Variants in GPKOW observed in about 807,000 individuals in gnomAD.
GPKOW encodes the protein G-patch domain and KOW motifs-containing protein.
For synonymous variants in GPKOW, 167 were observed against 159.1 expected (o/e 1.05, Z -0.37); for missense variants, 359 against 404.7 (o/e 0.89, Z 0.97).
Position 49,123,706 on chromosome X carries a change from T to C in GPKOW, c.17A>G (p.Glu6Gly), listed in dbSNP as rs1557091483. 3 of 1,202,398 alleles carry C rather than the reference T, an allele frequency of 2.5e-6. No individual in the cohort carries two copies. Among genetic ancestry groups the C allele is most frequent in the East Asian group, 3.0e-5 (1 of 33,161 alleles). Residue 6 changes from glutamate to glycine, a missense_variant, in exon 1 of 11, where the codon GAG becomes GGG. Physicochemically the swap from Glu to Gly is moderately conservative, Grantham distance 98. Transcript: ENST00000156109. MADSK[E>G]GVLPLTAAST... ...AGCAGCCGTCAGCGGCAAAACACCC[T>C]CTTTGGAGTCAGCCATCTTGCTCCT...
At position 49,123,419 on chromosome X, in the gene GPKOW, C is replaced by T. The variant is rs181634318; in HGVS notation, c.176+128G>A. The T allele has an allele frequency of 8.6e-5, 62 of 720,526 alleles. No homozygotes were observed. The African/African-American group carries it at 1.3e-3, about 15-fold the overall frequency. 59.4% of individuals were successfully genotyped at this position (720,526 alleles called of 1,213,427 possible). A position where few individuals can be genotyped will look rare whatever the true frequency, so the allele number is the denominator to read the frequency against. ...CTATAAACTCCCGCCTTCTGGCCTC[C>T]ACGAATTTACTCAGGCTGTGCTTCA... On this transcript the variant is annotated intron_variant, in intron 1 of 10. Coordinates refer to ENST00000156109, the MANE Select transcript of GPKOW (RefSeq NM_015698.6).
chrX:49,122,291 C>T (rs1047652878), intron 3 of GPKOW, 107 bp downstream of exon 3: 62 of 628,538 alleles, frequency 9.9e-5, no homozygotes, highest in South Asian at 1.7e-4. Flanking sequence ...GGGCAGGTGG[C>T]GGGCCTCTAG....
intron 3 of GPKOW, among the ~76,000 whole-genome samples, 183 bp from the exon 4 acceptor site, chrX:49,119,997 A>G (rs1234279280): frequency 1.8e-5 from 2 of 112,045 alleles, no homozygotes; most frequent in Non-Finnish European, 3.8e-5. Flanking sequence ...CCTTCAACAA[A>G]TATAAAGCAC....
chrX:49,115,926 T>G lies in GPKOW; in HGVS notation c.1105A>C (p.Asn369His). The G allele has an allele frequency of 8.3e-7, 1 of 1,210,998 alleles. No individual in the cohort carries two copies. ...TAATATTGGCCTCCTTTGTACATGT[T>G]GTCCACAAACCGCACACGCAGGTCC... ...HRDLRVRFVD[N>H]MYKGGQYYNT... The change falls in exon 8 of 11, where the codon AAC (asparagine) becomes CAC (histidine). Residue 369 changes from asparagine to histidine, a missense_variant. Coordinates refer to ENST00000156109, the MANE Select transcript of GPKOW (RefSeq NM_015698.6).
At chrX:49,123,231 C>G (rs1434793652) in intron 1 of GPKOW, among the ~76,000 whole-genome samples, 1 of 111,449 alleles carries the variant, frequency 9.0e-6, no homozygotes, top group Non-Finnish European at 1.9e-5. Context: ...GACGCCTCAG[C>G]CCTTCAGTTG....
intron 4 of GPKOW, among the ~76,000 whole-genome samples, chrX:49,118,605 G>A (rs190014645): frequency 9.3e-6 from 1 of 107,476 alleles, no homozygotes; most frequent in East Asian, 3.0e-4. Context: ...CAGGCATGCT[G>A]GTGCATGCCT....
chrX:49,119,226 G>A (rs189226686), intron 4 of GPKOW, among the ~76,000 whole-genome samples: 7 of 109,786 alleles, frequency 6.4e-5, no homozygotes, highest in African/African-American at 2.3e-4. Flanking sequence ...CAAAGTGCTG[G>A]GATTATATGT....
At position 49,123,642 on chromosome X, in the gene GPKOW, G is replaced by A. The variant is rs991880553; in HGVS notation, c.81C>T (p.Ser27=). ...APISFGFTRT[S]ARRRLADSGD... ...CCGAGTCGGCCAGCCGCCTCCGTGC[G>A]GACGTGCGAGTGAAGCCGAATGAAA... is the stretch of plus-strand genomic sequence containing the variant. Residue 27 remains serine (S), a synonymous_variant, in exon 1 of 11, where the codon TCC becomes TCT. Coordinates refer to ENST00000156109, the MANE Select transcript of GPKOW (RefSeq NM_015698.6). 8.3e-7 allele frequency: 1 copy of A among 1,208,696 alleles called. No individual in the cohort carries two copies. The highest frequency in any genetic ancestry group is 1.7e-5 in the African/African-American group (1 of 57,540).
In GPKOW at chrX:49,122,482, G is replaced by A. The variant is rs2065216850; in HGVS notation, c.372C>T (p.Val124=). ...KSLEERENAG[V]DPTLAIPMIQ... is the part of the protein sequence containing the mutation. Reference sequence around the variant, plus strand: ...TCATGGGGATAGCGAGCGTGGGGTCGACACCCGCATTCTCTCTCTCTTCCA... The same window carrying A: ...TCATGGGGATAGCGAGCGTGGGGTCAACACCCGCATTCTCTCTCTCTTCCA... Residue 124 remains valine, a synonymous_variant, in exon 3 of 11, where the codon GTC becomes GTT. Coordinates refer to ENST00000156109, the MANE Select transcript of GPKOW (RefSeq NM_015698.6). 9.2e-6 allele frequency: 11 copies of A among 1,201,386 alleles called. No individual in the cohort carries two copies. Among genetic ancestry groups the A allele is most frequent in the South Asian group, 3.6e-5 (2 of 55,839 alleles).
Position 49,123,550 on chromosome X carries a change from T to C in GPKOW, c.173A>G (p.Gln58Arg). ...GGTGAAAGACCCGGCGCGTCACCTC[T>C]GCAGCTCCCTCCCTTCCACGGTTTT... Reference protein sequence around the residue: ...FLKTVEGRELQSVKPQEAPKE... With the variant: ...FLKTVEGRELRSVKPQEAPKE... Residue 58 changes from glutamine to arginine, a missense_variant, in exon 1 of 11, where the codon CAG becomes CGG. Transcript: ENST00000156109. The C allele has an allele frequency of 1.7e-6, 2 of 1,204,095 alleles. No homozygotes were observed. Among genetic ancestry groups the C allele is most frequent in the Non-Finnish European group, 2.2e-6 (2 of 891,573 alleles).
intron 9 of GPKOW, among the ~76,000 whole-genome samples, chrX:49,114,662 C>T (rs1457786648): frequency 1.0e-5 from 1 of 98,768 alleles, no homozygotes; most frequent in African/African-American, 3.7e-5. Context: ...TGTGGTGGCT[C>T]ATGCCTGTAA....
intron 3 of GPKOW, 42 bp from the exon 4 acceptor site, chrX:49,119,856 C>T (rs1557090829): frequency 3.7e-6 from 3 of 801,113 alleles, no homozygotes; most frequent in Middle Eastern, 5.7e-4. Context: ...GCTTTGCTTA[C>T]ACTGGGTCTT....
rs782743284 is a variant in GPKOW, at chrX:49,122,470, G to T, written c.384C>A (p.Leu128=). The T allele has an allele frequency of 8.3e-7, 1 of 1,199,422 alleles. No individual in the cohort carries two copies. The highest frequency in any genetic ancestry group is 1.1e-6 in the Non-Finnish European group (1 of 890,054). ...ERENAGVDPT[L]AIPMIQKGCT... ...ATCCTTTCTGGATCATGGGGATAGC[G>T]AGCGTGGGGTCGACACCCGCATTCT... The change falls in exon 3 of 11, where the codon CTC becomes CTA. Residue 128 remains leucine (L), a synonymous_variant. Coordinates refer to ENST00000156109, the MANE Select transcript of GPKOW (RefSeq NM_015698.6).
At chrX:49,117,504 T>C in intron 5 of GPKOW, 93 bp downstream of exon 5, 1 of 672,282 alleles carries the variant, frequency 1.5e-6, no homozygotes, top group Non-Finnish European at 2.4e-6. Context: ...GTCCCAGCCT[T>C]TCTACCTCAA....
chrX:49,119,145 G>A (rs1405187737), intron 4 of GPKOW, among the ~76,000 whole-genome samples: 4 of 108,022 alleles, frequency 3.7e-5, no homozygotes, highest in African/African-American at 1.3e-4. Flanking sequence ...TTTTAGTAGA[G>A]ATGGGCTTTC....
At chrX:49,115,595 T>C (rs2065190569) in intron 9 of GPKOW, 131 bp downstream of exon 9, 1 of 498,867 alleles carries the variant, frequency 2.0e-6, no homozygotes, top group Non-Finnish European at 3.6e-6. Context: ...AAGTGTCTAA[T>C]GTTCTGTAAG....
Position 49,117,771 on chromosome X carries a change from C to T in GPKOW, c.606G>A (p.Gly202=), listed in dbSNP as rs782540345. 8.3e-7 allele frequency: 1 copy of T among 1,206,125 alleles called. No individual in the cohort carries two copies. Among genetic ancestry groups the T allele is most frequent in the African/African-American group, 1.7e-5 (1 of 57,801 alleles). Residue 202 remains glycine, a synonymous_variant, in exon 5 of 11, where the codon GGG becomes GGA. Transcript: ENST00000156109. ...KPRVNSLRPK[G]LGLGANLTEA... ...CGGTCAGGTTGGCACCCAGCCCTAA[C>T]CCCTTGGGCCTCAGTGAGTTGACAC...
chrX:49,122,267 G>C, intron 3 of GPKOW, 131 bp downstream of exon 3: 1 of 412,710 alleles, frequency 2.4e-6, no homozygotes, highest in African/African-American at 3.0e-5. Context: ...CTTCCAAAAT[G>C]ATGACAGGAG....
chrX:49,113,710 C>A lies in GPKOW; in HGVS notation c.1342G>T (p.Val448Leu). The change falls in exon 11 of 11, where the codon GTG becomes TTG. Residue 448 changes from valine to leucine, a missense_variant. Transcript: ENST00000156109. The part of the protein sequence containing the change: ...SRDRARSRAL[V>L]QLPRENQVVE... ...ACCTGATTTTCTCTTGGCAGTTGCA[C>A]CAAAGCCCGGCTCCGTGCTCTGTCC... The A allele has an allele frequency of 8.3e-7, 1 of 1,208,222 alleles. No homozygotes were observed. The highest frequency in any genetic ancestry group is 1.8e-5 in the South Asian group (1 of 56,362).
Sources: gnomAD v4.1 joint callset for allele counts (sites outside exome capture counted in the v4.1 genomes callset) on GRCh38, gnomAD v4.1.1 for gene constraint, MANE v1.5 for transcripts, NCBI Gene and HGNC (gene_info 2026-07-23, HGNC 2026-07-21) for gene names.